FHIT: variants seen among roughly 807,000 people sequenced by gnomAD.
FHIT encodes the protein fragile histidine triad diadenosine triphosphatase, also known as bis(5'-adenosyl)-triphosphatase.
In FHIT, 19 loss-of-function variants were observed where a neutral mutation model predicts 17.9. The observed-to-expected ratio is 1.06, with a 90% CI of 0.74 to 1.56. The LOEUF (loss-of-function observed/expected upper bound fraction) is 1.56. FHIT is among the 40% of genes most tolerant of loss of function. The pLI is 0.00. For synonymous variants in FHIT, 81 were observed against 69.7 expected (o/e 1.16, Z -0.81); for missense variants, 248 against 189.2 (o/e 1.31, Z -1.82).
intron 4 of FHIT, among the ~76,000 whole-genome samples, chr3:60,634,962 C>G (rs2039543040): frequency 6.6e-6 from 1 of 152,168 alleles, no homozygotes; most frequent in Non-Finnish European, 1.5e-5. Flanking sequence ...GCCTCAAACA[C>G]CTGGGCTCAA....
chr3:60,745,073 C>A (rs2042329703), intron 4 of FHIT, among the ~76,000 whole-genome samples: 1 of 152,010 alleles, frequency 6.6e-6, no homozygotes, highest in African/African-American at 2.4e-5. Context: ...TATAGGAAGA[C>A]CCCATTCTCC....
intron 2 of FHIT, among the ~76,000 whole-genome samples, chr3:61,055,148 C>T (rs1185611004): frequency 6.6e-6 from 1 of 151,950 alleles, no homozygotes; most frequent in East Asian, 1.9e-4. Context: ...CGTCTCTTTT[C>T]CACTAGGGCT....
intron 5 of FHIT, among the ~76,000 whole-genome samples, chr3:60,390,396 T>TA (rs869078939): frequency 0.031 from 986 of 31,942 alleles, 77 homozygotes; most frequent in African/African-American, 0.11. Context: ...GTAATGGAGC[T>TA]AAAAAAAAAA....
At chr3:60,758,831 G>T (rs1323316238) in intron 4 of FHIT, among the ~76,000 whole-genome samples, 1 of 152,148 alleles carries the variant, frequency 6.6e-6, no homozygotes, top group East Asian at 1.9e-4. Flanking sequence ...ACAACTCAAT[G>T]ATATCTTATG....
chr3:60,538,994 G>T (rs557036844), intron 4 of FHIT, among the ~76,000 whole-genome samples: 48 of 152,148 alleles, frequency 3.2e-4, no homozygotes, highest in African/African-American at 1.1e-3. Context: ...TACCATCAGA[G>T]TGAACAGGCA....
At chr3:61,231,787 T>C (rs1014959218) in intron 1 of FHIT, among the ~76,000 whole-genome samples, 2 of 151,856 alleles carry the variant, frequency 1.3e-5, no homozygotes. Flanking sequence ...TTGTAACAAG[T>C]GCTATGGAAA....
At chr3:60,540,467 C>A (rs965189542) in intron 4 of FHIT, among the ~76,000 whole-genome samples, 15 of 152,170 alleles carry the variant, frequency 9.9e-5, no homozygotes, top group Non-Finnish European at 1.8e-4. Flanking sequence ...ATTGAGCCCT[C>A]AACCTGTGGA....
chr3:60,367,928 C>A (rs1220977523), intron 5 of FHIT, among the ~76,000 whole-genome samples: 3 of 152,144 alleles, frequency 2.0e-5, no homozygotes, highest in Non-Finnish European at 4.4e-5. Flanking sequence ...TGTTGAACTT[C>A]TTTCAACTAT....
At chr3:60,207,103 T>C (rs9834515) in intron 5 of FHIT, among the ~76,000 whole-genome samples, 29,899 of 151,906 alleles carry the variant, frequency 0.2, 3,057 homozygotes, top group East Asian at 0.26. Flanking sequence ...GAAGACCATA[T>C]GTACTTCCTC....
chr3:60,671,103 C>A (rs561737432), intron 4 of FHIT, among the ~76,000 whole-genome samples: 85 of 151,722 alleles, frequency 5.6e-4, no homozygotes, highest in Middle Eastern at 6.8e-3. Context: ...ATTGGGTACA[C>A]TCACTCAGTG....
chr3:60,138,778 C>G (rs919059427), intron 5 of FHIT, among the ~76,000 whole-genome samples: 3 of 152,046 alleles, frequency 2.0e-5, no homozygotes, highest in African/African-American at 7.2e-5. Context: ...AGGATGACCA[C>G]GAGGAGTACC....
intron 4 of FHIT, among the ~76,000 whole-genome samples, chr3:60,718,706 C>A (rs2041742304): frequency 6.6e-6 from 1 of 152,100 alleles, no homozygotes. Context: ...CAGAACAACT[C>A]TTTAATGGAA....
chr3:59,824,007 T>C (rs6793899), intron 8 of FHIT, among the ~76,000 whole-genome samples: 4,437 of 152,230 alleles, frequency 0.029, 208 homozygotes, highest in African/African-American at 0.093. Flanking sequence ...AGTTTCAAGA[T>C]AGAAATTAAC....
At chr3:60,139,018 C>T (rs181847806) in intron 5 of FHIT, among the ~76,000 whole-genome samples, 11 of 152,196 alleles carry the variant, frequency 7.2e-5, no homozygotes, top group African/African-American at 2.4e-4. Flanking sequence ...CCCAAAAGCC[C>T]GATGTCTCCT....
chr3:61,234,529 C>A (rs2106889114), intron 1 of FHIT, among the ~76,000 whole-genome samples: 1 of 152,192 alleles, frequency 6.6e-6, no homozygotes, highest in Non-Finnish European at 1.5e-5. Context: ...TGTCCATTTT[C>A]TGTTAGAAAA....
chr3:61,185,309 C>A (rs2038473096), intron 2 of FHIT, among the ~76,000 whole-genome samples: 2 of 152,308 alleles, frequency 1.3e-5, no homozygotes, highest in African/African-American at 2.4e-5. Flanking sequence ...CTGAGGGAGA[C>A]ACTGATTATT....
chr3:59,769,971 A>T (rs1364192438), intron 8 of FHIT, among the ~76,000 whole-genome samples: 2 of 152,246 alleles, frequency 1.3e-5, no homozygotes, highest in Non-Finnish European at 2.9e-5. Context: ...AGAATTGTCC[A>T]TGTTTCAACT....
Position 60,195,553 on chromosome 3 carries a change from A to ATATATATATATATGTATATATATATATT in FHIT, c.104-181402_104-181401insAATATATATATATACATATATATATATA, listed in dbSNP as rs148013554. On this transcript the variant is annotated intron_variant, in intron 5 of 9. Coordinates refer to ENST00000492590, the MANE Select transcript of FHIT (RefSeq NM_002012.4). ...AGCGGATAAGGAAAATGTGATATATATATATATTTATATTTATATAATTAT... is the reference window on the plus strand; with the variant it reads ...AGCGGATAAGGAAAATGTGATATATATATATATATATATGTATATATATATATTTATATATTTATATTTATATAATTAT... 2.2e-5 allele frequency among the ~76,000 whole-genome samples: 3 copies of ATATATATATATATGTATATATATATATT among 136,508 alleles called. No homozygotes were observed. The South Asian group carries it at 7.0e-4, about 32-fold the overall frequency. 89.6% of individuals were successfully genotyped at this position (136,508 alleles called of 152,430 possible). A position where few individuals can be genotyped will look rare whatever the true frequency, so the allele number is the denominator to read the frequency against.
intron 8 of FHIT, among the ~76,000 whole-genome samples, chr3:59,770,732 A>G (rs999611052): frequency 1.3e-5 from 2 of 151,654 alleles, no homozygotes; most frequent in Non-Finnish European, 2.9e-5. Context: ...GGTTACCACT[A>G]CTCCCCGTTT....
Sources: allele counts gnomAD v4.1 joint callset (sites outside exome capture counted in the v4.1 genomes callset), GRCh38; gene constraint gnomAD v4.1.1; transcripts MANE v1.5; gene names NCBI Gene and HGNC (gene_info 2026-07-23, HGNC 2026-07-21).